The following EFCAB6 variants were observed in gnomAD, a reference collection of about 807,000 sequenced individuals.
EFCAB6 encodes EF-hand calcium-binding domain-containing protein 6.
Under a neutral mutation model 169.8 loss-of-function variants are expected in EFCAB6, and 156 were observed. The ratio of observed to expected loss-of-function variants is 0.92; its 90% CI spans 0.81 to 1.05. The LOEUF (loss-of-function observed/expected upper bound fraction) is 1.05. Ranked by LOEUF, EFCAB6 falls within the 50% of genes least tolerant of loss-of-function variation. The pLI is 0.00. For synonymous variants in EFCAB6, 698 were observed against 676.4 expected (o/e 1.03, Z -0.50); for missense variants, 1,800 against 1,829.1 (o/e 0.98, Z 0.29).
At chr22:43,530,162 G>C (rs1415400349) in intron 31 of EFCAB6, among the ~76,000 whole-genome samples, 1 of 152,212 alleles carries the variant, frequency 6.6e-6, no homozygotes, top group African/African-American at 2.4e-5. Flanking sequence ...CACCACGCCC[G>C]AATTCCTGGG....
intron 17 of EFCAB6, among the ~76,000 whole-genome samples, chr22:43,639,307 C>T (rs2055642711): frequency 6.6e-6 from 1 of 152,152 alleles, no homozygotes; most frequent in Admixed American, 6.5e-5. Flanking sequence ...TTGCTTGTAG[C>T]GAAGATCCAC....
rs1353763818 is a variant in EFCAB6 at position 43,537,292 on chromosome 22, G to A, written c.4048+85C>T. ...TTCTGCTGCTCCCTGGCCTCCACCCGGGGTGTGGCTTTGTACCCAGTGGGA... is the reference window on the plus strand; with the variant it reads ...TTCTGCTGCTCCCTGGCCTCCACCCAGGGTGTGGCTTTGTACCCAGTGGGA... On this transcript the variant is annotated intron_variant, in intron 29 of 31. Transcript: ENST00000262726. The surrounding 1 kb of genome is among the most constrained non-coding windows in gnomAD (Gnocchi z 4.3). 7.3e-6 allele frequency: 11 copies of A among 1,503,192 alleles called. No homozygotes were observed. The highest frequency in any genetic ancestry group is 2.6e-5 in the South Asian group (2 of 76,560). The allele number at this position is 1,503,192 out of a possible 1,614,324, so 93.1% of individuals were successfully genotyped here.
chr22:43,605,778 T>C (rs1170834563), intron 22 of EFCAB6, among the ~76,000 whole-genome samples: 1 of 152,234 alleles, frequency 6.6e-6, no homozygotes, highest in African/African-American at 2.4e-5. Flanking sequence ...AACTGCGTTA[T>C]GTATATTTTG....
chr22:43,742,156 C>A (rs559131290), intron 6 of EFCAB6, among the ~76,000 whole-genome samples: 1 of 152,198 alleles, frequency 6.6e-6, no homozygotes, highest in African/African-American at 2.4e-5. Flanking sequence ...TGCCCACCAC[C>A]TGATTTCGTA....
intron 10 of EFCAB6, among the ~76,000 whole-genome samples, chr22:43,703,169 A>G (rs2058827976): frequency 2.6e-5 from 4 of 152,196 alleles, no homozygotes; most frequent in African/African-American, 9.7e-5. Flanking sequence ...GGCCCAGCCC[A>G]ATATAAGGCA....
intron 27 of EFCAB6, among the ~76,000 whole-genome samples, chr22:43,545,651 G>GGGCT (rs1569135406): frequency 1.3e-5 from 2 of 152,196 alleles, no homozygotes; most frequent in African/African-American, 2.4e-5. Flanking sequence ...GTTACCTGAT[G>GGGCT]GGCTGTATCT....
chr22:43,702,898 C>T (rs2058818993), intron 10 of EFCAB6, among the ~76,000 whole-genome samples: 1 of 152,168 alleles, frequency 6.6e-6, no homozygotes, highest in African/African-American at 2.4e-5. Context: ...AAATTACCAC[C>T]ACATTGAATT....
intron 26 of EFCAB6, among the ~76,000 whole-genome samples, chr22:43,568,033 G>T (rs934144544): frequency 1.3e-5 from 2 of 152,280 alleles, no homozygotes; most frequent in African/African-American, 4.8e-5. Context: ...CACACTCACA[G>T]GCAGGAGCAA....
chr22:43,531,838 C>T (rs1411191629), intron 30 of EFCAB6, among the ~76,000 whole-genome samples: 1 of 152,188 alleles, frequency 6.6e-6, no homozygotes, highest in Non-Finnish European at 1.5e-5. Flanking sequence ...ACCACCAGCC[C>T]GGCCAGAGCC....
At chr22:43,688,260 C>T (rs1427356056) in intron 10 of EFCAB6, among the ~76,000 whole-genome samples, 2 of 152,148 alleles carry the variant, frequency 1.3e-5, no homozygotes, top group Non-Finnish European at 1.5e-5. Flanking sequence ...AGGAAAAAAG[C>T]CCTGCTGATT....
chr22:43,780,448 T>G (rs960562098), intron 3 of EFCAB6, among the ~76,000 whole-genome samples: 1 of 140,896 alleles, frequency 7.1e-6, no homozygotes, highest in East Asian at 2.1e-4. Flanking sequence ...GATCATGCCC[T>G]TGCACTCCAG....
At chr22:43,755,202 G>A (rs769406462) in intron 6 of EFCAB6, among the ~76,000 whole-genome samples, 58 of 152,174 alleles carry the variant, frequency 3.8e-4, no homozygotes, top group Non-Finnish European at 7.6e-4. Flanking sequence ...TTAAAAAGGA[G>A]TCTGATTCCA....
In EFCAB6 at chr22:43,625,475, G is replaced by A. The variant is rs547456906; in HGVS notation, c.2465+972C>T. Among the ~76,000 whole-genome samples the A allele has an allele frequency of 1.8e-3, 270 of 152,346 alleles. 1 individual carries two copies. Among genetic ancestry groups the A allele is most frequent in the Middle Eastern group, 6.8e-3 (2 of 294 alleles). On this transcript the variant is annotated intron_variant, in intron 20 of 31. Transcript: ENST00000262726. The stretch of plus-strand genomic sequence containing the variant: ...TCTCGGCAGATCTCAGCAGGGAGCC[G>A]ATGGGGACGGGTGATCCCCTGCTGC...
At position 43,795,979 on chromosome 22, in the gene EFCAB6, C is replaced by G. The variant is rs923853100; in HGVS notation, c.-8+13016G>C. Among the ~76,000 whole-genome samples the G allele has an allele frequency of 6.7e-6, 1 of 150,162 alleles. No homozygotes were observed. The highest frequency in any genetic ancestry group is 2.1e-4 in the South Asian group (1 of 4,694). ...TCACCCCCCACAGAAACACACACAC[C>G]ACACACAACTCACCCCCCACAGAAA... On this transcript the variant is annotated intron_variant, in intron 2 of 31. Transcript: ENST00000262726. The surrounding 1 kb of genome is among the most constrained non-coding windows in gnomAD (Gnocchi z 4.2).
At chr22:43,666,018 C>G (rs888562852) in intron 17 of EFCAB6, among the ~76,000 whole-genome samples, 1 of 152,172 alleles carries the variant, frequency 6.6e-6, no homozygotes, top group Non-Finnish European at 1.5e-5. Flanking sequence ...GAACTCCTGA[C>G]CTCACGTGAT....
At chr22:43,745,350 G>A (rs530153923) in intron 6 of EFCAB6, among the ~76,000 whole-genome samples, 4 of 152,146 alleles carry the variant, frequency 2.6e-5, no homozygotes, top group Non-Finnish European at 4.4e-5. Context: ...GGCCCTTCCC[G>A]GAGGCAGGCC....
chr22:43,570,256 G>A (rs1176586047), intron 26 of EFCAB6: 2 of 152,080 alleles, frequency 1.3e-5, no homozygotes, highest in Non-Finnish European at 2.9e-5. Context: ...TAATTACTCT[G>A]TATTGAATAA....
intron 6 of EFCAB6, among the ~76,000 whole-genome samples, chr22:43,750,598 C>T (rs1458962324): frequency 6.6e-6 from 1 of 152,188 alleles, no homozygotes; most frequent in Non-Finnish European, 1.5e-5. Context: ...TAACCAAGAG[C>T]TTGCTTGTTT....
chr22:43,676,115 A>C (rs972138083), intron 13 of EFCAB6, among the ~76,000 whole-genome samples: 2 of 151,346 alleles, frequency 1.3e-5, no homozygotes, highest in African/African-American at 4.9e-5. Context: ...GAATATACAA[A>C]GTCATACAAA....
Sources: gnomAD v4.1 joint callset for allele counts (sites outside exome capture counted in the v4.1 genomes callset) on GRCh38, gnomAD v4.1.1 for gene constraint, Gnocchi (gnomAD v3.1) non-coding constraint, MANE v1.5 for transcripts, NCBI Gene and HGNC (gene_info 2026-07-23, HGNC 2026-07-21) for gene names.